PMP22: variants seen among roughly 807,000 people sequenced by gnomAD.
The protein encoded by PMP22 is peripheral myelin protein 22, also known as Charcot-Marie-Tooth neuropathy 1A (greatly reduced nerve conduction velocity, hereditary motor sensory neuropathy Ia).
Under a neutral mutation model 18.9 loss-of-function variants are expected in PMP22, and 2 were observed. That is an observed-to-expected ratio of 0.11 (90% CI 0.04 to 0.33). PMP22 has a LOEUF of 0.33. Among genes scored for constraint, PMP22 ranks in the 10% least tolerant of loss-of-function variants. PMP22 has a pLI of 1.00. For missense variants in PMP22, 169 were observed against 202.2 expected (o/e 0.84, Z 1.00); for synonymous variants, 95 against 89.2 (o/e 1.07, Z -0.37).
intron 4 of PMP22, among the ~76,000 whole-genome samples, chr17:15,237,124 C>T (rs766463269): frequency 6.6e-6 from 1 of 152,198 alleles, no homozygotes; most frequent in Non-Finnish European, 1.5e-5. Flanking sequence ...CAGTTCTAAA[C>T]ATCTTGTATT....
At position 15,240,715 on chromosome 17, in the gene PMP22, C is replaced by T. The variant is rs550583739; in HGVS notation, c.179-1104G>A. Among the ~76,000 whole-genome samples the T allele has an allele frequency of 3.3e-5, 5 of 152,202 alleles. No individual in the cohort carries two copies. In the East Asian group the frequency reaches 9.7e-4, roughly 29 times the overall value. ...TGGCCTCTGTCTTGTCTTCCAAGTG[C>T]CACAGAATGCTGGGGGCAGGCACTG... On this transcript the variant is annotated intron_variant, in intron 3 of 4. Coordinates refer to ENST00000312280, the MANE Select transcript of PMP22 (RefSeq NM_000304.4).
chr17:15,250,477 C>CT (rs1237823819), intron 3 of PMP22, among the ~76,000 whole-genome samples: 1 of 152,142 alleles, frequency 6.6e-6, no homozygotes, highest in Non-Finnish European at 1.5e-5. Flanking sequence ...CTCCCCTAAG[C>CT]CAAAGACTTC....
At chr17:15,239,637 G>A (rs1907140000) in intron 3 of PMP22, 26 bp from the exon 4 acceptor site, 1 of 1,613,318 alleles carries the variant, frequency 6.2e-7, no homozygotes, top group East Asian at 2.2e-5. Flanking sequence ...ACTTGGTTAG[G>A]AGAGCTGGCC....
rs1597633194 is a variant in PMP22, at chr17:15,259,201, G to A, written c.79-8C>T. The A allele has an allele frequency of 6.3e-6, 10 of 1,597,680 alleles. No individual in the cohort carries two copies. The highest frequency in any genetic ancestry group is 6.0e-6 in the Non-Finnish European group (7 of 1,165,028). ...ATTGCCCACGATCCATTGCTAGAGAGAATCAGATAGATATCCTGAGTCAGG... is the reference window on the plus strand; with the variant it reads ...ATTGCCCACGATCCATTGCTAGAGAAAATCAGATAGATATCCTGAGTCAGG... On this transcript the variant is annotated splice_region_variant and splice_polypyrimidine_tract_variant and intron_variant, in intron 2 of 4. Coordinates refer to ENST00000312280, the MANE Select transcript of PMP22 (RefSeq NM_000304.4).
chr17:15,264,270 A>AG, intron 1 of PMP22, among the ~76,000 whole-genome samples: 1 of 152,234 alleles, frequency 6.6e-6, no homozygotes, highest in African/African-American at 2.4e-5. Context: ...ATAGATAGAT[A>AG]AAGATTTATA....
At chr17:15,245,533 T>C (rs1907725162) in intron 3 of PMP22, among the ~76,000 whole-genome samples, 1 of 152,188 alleles carries the variant, frequency 6.6e-6, no homozygotes. Flanking sequence ...TAATATATTT[T>C]ATTGGGTTGT....
rs902207785 is a variant in PMP22 at position 15,258,810 on chromosome 17, G to A, written c.178+284C>T. The A allele has an allele frequency of 1.3e-5, 6 of 457,516 alleles. No individual in the cohort carries two copies. Among genetic ancestry groups the A allele is most frequent in the African/African-American group, 2.0e-5 (1 of 50,384 alleles). The allele number at this position is 457,516 out of a possible 1,614,324, so 28.3% of individuals were successfully genotyped here. ...ATACCACCTTCACAGCTCCCAGGTCGATATTTTTTTCAATCACAAAAAGCA... is the reference window on the plus strand; with the variant it reads ...ATACCACCTTCACAGCTCCCAGGTCAATATTTTTTTCAATCACAAAAAGCA... On this transcript the variant is annotated intron_variant, in intron 3 of 4. Coordinates refer to ENST00000312280, the MANE Select transcript of PMP22 (RefSeq NM_000304.4). This position sits in a 1 kb window ranked among gnomAD's most constrained non-coding sequence, Gnocchi z 4.1.
rs779967483 is a variant in PMP22 at position 15,231,120 on chromosome 17, A to G, written c.320-40T>C. On this transcript the variant is annotated intron_variant, in intron 4 of 4. Coordinates refer to ENST00000312280, the MANE Select transcript of PMP22 (RefSeq NM_000304.4). Reference sequence around the variant, plus strand: ...GGACAAGCTGGGTGACGGAGAGTCCATGGCAGAGCGGCCCCCTCTCCGCCA... The same window carrying G: ...GGACAAGCTGGGTGACGGAGAGTCCGTGGCAGAGCGGCCCCCTCTCCGCCA... 6.8e-6 allele frequency: 11 copies of G among 1,607,260 alleles called. No homozygotes were observed. In the African/African-American group the frequency reaches 1.3e-4, roughly 20 times the overall value.
At chr17:15,252,552 G>A (rs1277706368) in intron 3 of PMP22, among the ~76,000 whole-genome samples, 1 of 152,202 alleles carries the variant, frequency 6.6e-6, no homozygotes, top group Non-Finnish European at 1.5e-5. Context: ...GGGGCTGCAG[G>A]TACTGCCCTT....
chr17:15,249,481 A>G (rs1347852392), intron 3 of PMP22, among the ~76,000 whole-genome samples: 1 of 152,230 alleles, frequency 6.6e-6, no homozygotes, highest in African/African-American at 2.4e-5. Context: ...ATATGCTTGC[A>G]ATCTAATGAA....
At chr17:15,257,569 G>A (rs1331144297) in intron 3 of PMP22, among the ~76,000 whole-genome samples, 1 of 152,226 alleles carries the variant, frequency 6.6e-6, no homozygotes, top group Non-Finnish European at 1.5e-5. Context: ...AGTGCTCCGG[G>A]AACTTCAGCC....
rs772282020 is a variant in PMP22 at position 15,230,906 on chromosome 17, G to A, written c.*11C>T. ...GTACGCTCAGAGCCTCAGACAGACCGTCTGGGCGCCTCATTCGCGTTTCCG... is the reference window on the plus strand; with the variant it reads ...GTACGCTCAGAGCCTCAGACAGACCATCTGGGCGCCTCATTCGCGTTTCCG... On this transcript the variant is annotated 3_prime_UTR_variant, in exon 5 of 5. Coordinates refer to ENST00000312280, the MANE Select transcript of PMP22 (RefSeq NM_000304.4). 62 of 1,613,422 alleles carry A rather than the reference G, an allele frequency of 3.8e-5. 1 individual carries two copies. Among genetic ancestry groups the A allele is most frequent in the South Asian group, 3.2e-4 (29 of 91,076 alleles).
chr17:15,238,930 ACAACAGT>A (rs1331682620), intron 4 of PMP22, among the ~76,000 whole-genome samples: 1 of 152,234 alleles, frequency 6.6e-6, no homozygotes, highest in African/African-American at 2.4e-5. Context: ...CCAGAGGATG[ACAACAGT>A]CAATCAAAGC....
Position 15,261,459 on chromosome 17 carries a change from G to T in PMP22, c.-34-698C>A, listed in dbSNP as rs1344284726. The T allele has an allele frequency of 6.6e-6, 1 of 152,486 alleles. No homozygotes were observed. Among genetic ancestry groups the T allele is most frequent in the Non-Finnish European group, 1.5e-5 (1 of 68,282 alleles). 9.4% of individuals were successfully genotyped at this position (152,486 alleles called of 1,614,324 possible). Reference sequence around the variant, plus strand: ...GGAAAGAAAAGAATGGCTCGAGAGGGTTGCCCGGACCCTGCGCTTCCCGTC... The same window carrying T: ...GGAAAGAAAAGAATGGCTCGAGAGGTTTGCCCGGACCCTGCGCTTCCCGTC... On this transcript the variant is annotated intron_variant, in intron 1 of 4. Transcript: ENST00000312280. This position sits in a 1 kb window ranked among gnomAD's most constrained non-coding sequence, Gnocchi z 5.2.
intron 4 of PMP22, among the ~76,000 whole-genome samples, chr17:15,238,745 T>C (rs574859828): frequency 6.6e-6 from 1 of 152,352 alleles, no homozygotes; most frequent in South Asian, 2.1e-4. Context: ...TCACCCTGTG[T>C]AACAGAAGTT....
chr17:15,260,695 G>A lies in PMP22; in HGVS notation c.33C>T (p.Leu11=). MLLLLLSIIV[L]HVAVLVLLFV... ...ACAGCAGCACCAGCACCGCGACGTG[G>A]AGGACGATGATACTCAGCAACAGGA... Residue 11 remains leucine (L), a synonymous_variant, in exon 2 of 5, where the codon CTC becomes CTT. Coordinates refer to ENST00000312280, the MANE Select transcript of PMP22 (RefSeq NM_000304.4). 2 of 1,553,750 alleles carry A rather than the reference G, an allele frequency of 1.3e-6. No homozygotes were observed. Among genetic ancestry groups the A allele is most frequent in the South Asian group, 2.4e-5 (2 of 84,144 alleles).
chr17:15,231,289 C>T (rs984847640), intron 4 of PMP22, among the ~76,000 whole-genome samples: 2 of 152,176 alleles, frequency 1.3e-5, no homozygotes, highest in Admixed American at 1.3e-4. Flanking sequence ...ATCTTGGCCA[C>T]CTAGGCCTTA....
chr17:15,241,048 G>A (rs1285467733), intron 3 of PMP22, among the ~76,000 whole-genome samples: 1 of 152,194 alleles, frequency 6.6e-6, no homozygotes, highest in African/African-American at 2.4e-5. Flanking sequence ...AACTAGTCCA[G>A]CTCCTTTGCA....
At position 15,261,759 on chromosome 17, in the gene PMP22, C is replaced by T. The variant is rs1276476633; in HGVS notation, c.-34-998G>A. The T allele has an allele frequency of 1.3e-5, 2 of 152,214 alleles. No homozygotes were observed. Among genetic ancestry groups the T allele is most frequent in the African/African-American group, 4.8e-5 (2 of 41,446 alleles). 9.4% of individuals were successfully genotyped at this position (152,214 alleles called of 1,614,324 possible). A position where few individuals can be genotyped will look rare whatever the true frequency, so the allele number is the denominator to read the frequency against. On this transcript the variant is annotated intron_variant, in intron 1 of 4. Transcript: ENST00000312280. The surrounding 1 kb of genome is among the most constrained non-coding windows in gnomAD (Gnocchi z 5.2). ...GGTCAGAGCCGGCAGGACATTTATC[C>T]CAAGTAATGCGGTCCTCGCCCCTCA...
Sources: allele counts gnomAD v4.1 joint callset (sites outside exome capture counted in the v4.1 genomes callset), GRCh38; gene constraint gnomAD v4.1.1; non-coding constraint Gnocchi (gnomAD v3.1); transcripts MANE v1.5; gene names NCBI Gene and HGNC (gene_info 2026-07-23, HGNC 2026-07-21).